FSTL5: variants seen among roughly 807,000 people sequenced by gnomAD.
FSTL5 encodes follistatin-related protein 5.
A neutral mutation model predicts 89.1 loss-of-function variants in FSTL5; 62 were observed. The ratio of observed to expected loss-of-function variants is 0.70; its 90% CI spans 0.57 to 0.86. The LOEUF is 0.86. Ranked by LOEUF, FSTL5 falls within the 40% of genes least tolerant of loss-of-function variation. The pLI is 0.00. For missense variants in FSTL5, 1,057 were observed against 1,001.6 expected (o/e 1.06, Z -0.75); for synonymous variants, 383 against 346.2 (o/e 1.11, Z -1.18).
chr4:161,953,373 TA>T (rs1402363542), intron 3 of FSTL5, among the ~76,000 whole-genome samples: 2 of 151,628 alleles, frequency 1.3e-5, no homozygotes, highest in African/African-American at 4.8e-5. Flanking sequence ...CTTTTAATTT[TA>T]ATCACATATT....
intron 6 of FSTL5, among the ~76,000 whole-genome samples, chr4:161,737,348 T>C (rs1430021229): frequency 1.3e-5 from 2 of 151,984 alleles, no homozygotes; most frequent in Non-Finnish European, 2.9e-5. Context: ...TACATGCAAT[T>C]GTAATGATGA....
chr4:161,672,841 A>G (rs1271145023), intron 6 of FSTL5, among the ~76,000 whole-genome samples: 1 of 152,018 alleles, frequency 6.6e-6, no homozygotes, highest in Admixed American at 6.6e-5. Flanking sequence ...TATCACTTAT[A>G]AAGCCAGGAA....
chr4:161,543,377 A>G (rs1476356066), intron 8 of FSTL5, among the ~76,000 whole-genome samples: 1 of 151,962 alleles, frequency 6.6e-6, no homozygotes, highest in East Asian at 1.9e-4. Flanking sequence ...AGGTGATCAT[A>G]CTCCCAAGTT....
At chr4:161,933,901 T>C (rs370487129) in intron 3 of FSTL5, among the ~76,000 whole-genome samples, 7 of 152,200 alleles carry the variant, frequency 4.6e-5, no homozygotes, top group South Asian at 2.1e-4. Flanking sequence ...AATCACTTTT[T>C]CTACGTAGTT....
At chr4:162,006,391 T>A (rs1736616691) in intron 3 of FSTL5, among the ~76,000 whole-genome samples, 4 of 151,932 alleles carry the variant, frequency 2.6e-5, no homozygotes, top group Admixed American at 2.6e-4. Flanking sequence ...TTTTGAAAAT[T>A]GAACTGGTAA....
At chr4:161,840,903 G>C (rs1454576340) in intron 4 of FSTL5, among the ~76,000 whole-genome samples, 2 of 152,162 alleles carry the variant, frequency 1.3e-5, no homozygotes, top group African/African-American at 4.8e-5. Context: ...GGGAGAGTGA[G>C]ATGGGATAGA....
At chr4:161,984,526 A>G (rs1355346968) in intron 3 of FSTL5, among the ~76,000 whole-genome samples, 3 of 152,146 alleles carry the variant, frequency 2.0e-5, no homozygotes, top group Non-Finnish European at 4.4e-5. Flanking sequence ...CTTTAAGATC[A>G]GGTTTCTATA....
intron 8 of FSTL5, among the ~76,000 whole-genome samples, chr4:161,551,019 T>A (rs933622383): frequency 5.3e-5 from 8 of 152,074 alleles, no homozygotes; most frequent in African/African-American, 1.9e-4. Flanking sequence ...GTCTTTGTTA[T>A]TGTGAATAAT....
chr4:162,156,933 A>G (rs1210531083), intron 1 of FSTL5, among the ~76,000 whole-genome samples: 1 of 152,154 alleles, frequency 6.6e-6, no homozygotes, highest in Non-Finnish European at 1.5e-5. Context: ...TTAAAAAAAG[A>G]TGGTTTCCCT....
At chr4:162,067,531 A>C (rs1173316568) in intron 2 of FSTL5, among the ~76,000 whole-genome samples, 5 of 152,062 alleles carry the variant, frequency 3.3e-5, no homozygotes, top group Non-Finnish European at 4.4e-5. Flanking sequence ...ACTCTCAATC[A>C]ACTCAGTATT....
At chr4:161,752,413 T>A (rs1740429122) in intron 6 of FSTL5, among the ~76,000 whole-genome samples, 1 of 152,220 alleles carries the variant, frequency 6.6e-6, no homozygotes, top group African/African-American at 2.4e-5. Context: ...ATATTCATAC[T>A]TGATGGATGC....
chr4:162,001,986 T>A (rs1375239292), intron 3 of FSTL5, among the ~76,000 whole-genome samples: 2 of 152,122 alleles, frequency 1.3e-5, no homozygotes, highest in Admixed American at 6.6e-5. Context: ...ACCTGTCTAC[T>A]TTTTTTATTT....
chr4:162,006,078 A>G (rs1235555049), intron 3 of FSTL5, among the ~76,000 whole-genome samples: 1 of 152,090 alleles, frequency 6.6e-6, no homozygotes, highest in Non-Finnish European at 1.5e-5. Context: ...CATTGCATAA[A>G]TCAAATGATA....
At chr4:161,402,810 T>G (rs992507242) in intron 15 of FSTL5, among the ~76,000 whole-genome samples, 1 of 152,054 alleles carries the variant, frequency 6.6e-6, no homozygotes, top group Non-Finnish European at 1.5e-5. Flanking sequence ...TAGTAATTAG[T>G]TACTTGCCAG....
At chr4:161,685,532 G>C (rs1737681911) in intron 6 of FSTL5, among the ~76,000 whole-genome samples, 1 of 152,070 alleles carries the variant, frequency 6.6e-6, no homozygotes, top group Non-Finnish European at 1.5e-5. Flanking sequence ...TATTGTAAAA[G>C]GTGTTGAGTT....
At chr4:161,486,878 TCAA>T (rs1729701552) in intron 12 of FSTL5, among the ~76,000 whole-genome samples, 1 of 152,166 alleles carries the variant, frequency 6.6e-6, no homozygotes, top group East Asian at 1.9e-4. Context: ...CCATTGTTTA[TCAA>T]CAAATGTCCT....
At chr4:161,564,324 A>G (rs1732723883) in intron 8 of FSTL5, among the ~76,000 whole-genome samples, 1 of 151,138 alleles carries the variant, frequency 6.6e-6, no homozygotes, top group Admixed American at 6.6e-5. Flanking sequence ...TAATAGCCAT[A>G]ACAATAAGGA....
chr4:161,868,149 T>A (rs574090222), intron 4 of FSTL5, among the ~76,000 whole-genome samples: 1 of 152,244 alleles, frequency 6.6e-6, no homozygotes, highest in African/African-American at 2.4e-5. Context: ...AAAACAGGAT[T>A]TTTTTAAAAT....
At chr4:162,071,354 T>A (rs949889859) in intron 2 of FSTL5, among the ~76,000 whole-genome samples, 2 of 151,582 alleles carry the variant, frequency 1.3e-5, no homozygotes, top group Admixed American at 6.6e-5. Context: ...TATATTCATA[T>A]CACATAAAAT....
Sources: allele counts gnomAD v4.1 joint callset (sites outside exome capture counted in the v4.1 genomes callset), GRCh38; gene constraint gnomAD v4.1.1; transcripts MANE v1.5; gene names NCBI Gene and HGNC (gene_info 2026-07-23, HGNC 2026-07-21).